TICRR: variants seen among roughly 807,000 people sequenced by gnomAD.
TICRR encodes the protein TOPBP1 interacting checkpoint and replication regulator.
Under a neutral mutation model 178.1 loss-of-function variants are expected in TICRR, and 132 were observed. That is an observed-to-expected ratio of 0.74 (90% confidence interval 0.64 to 0.86). The LOEUF is 0.86. TICRR is among the 40% of genes least tolerant of loss of function. TICRR has a pLI of 0.00. For missense variants in TICRR, 2,587 were observed against 2,334.3 expected (o/e 1.11, Z -2.23); for synonymous variants, 991 against 900.7 (o/e 1.10, Z -1.79).
intron 4 of TICRR, among the ~76,000 whole-genome samples, chr15:89,588,161 C>G (rs1962853027): frequency 6.6e-6 from 1 of 152,042 alleles, no homozygotes; most frequent in Non-Finnish European, 1.5e-5. Flanking sequence ...TAGGAAGTGA[C>G]ATCATCAGCT....
Position 89,583,048 on chromosome 15 carries a change from G to A in TICRR, c.934+83G>A, listed in dbSNP as rs542173082. On this transcript the variant is annotated intron_variant, in intron 2 of 21. Transcript: ENST00000268138. ...TTCAAAGAAGCTTTTAACTTCTTTG[G>A]CATTTCTCACAGCCCAGGCACTCAA... is the stretch of plus-strand genomic sequence containing the variant. 2.9e-6 allele frequency: 4 copies of A among 1,396,002 alleles called. No individual in the cohort carries two copies. In the South Asian group the frequency reaches 4.4e-5, roughly 15 times the overall value. The allele number at this position is 1,396,002 out of a possible 1,614,324, so 86.5% of individuals were successfully genotyped here.
At chr15:89,589,106 C>G (rs1032092150) in intron 4 of TICRR, among the ~76,000 whole-genome samples, 4 of 151,930 alleles carry the variant, frequency 2.6e-5, no homozygotes, top group Non-Finnish European at 4.4e-5. Context: ...TTCCAGAGGG[C>G]AGGGTGGGAG....
Position 89,601,320 on chromosome 15 carries a change from C to A in TICRR, c.2176C>A (p.Arg726Ser). Residue 726 changes from arginine (R) to serine (S), a missense_variant, in exon 10 of 22, where the codon CGT (arginine) becomes AGT (serine). Coordinates refer to ENST00000268138, the MANE Select transcript of TICRR (RefSeq NM_152259.4). ...VRECQLQVFLRLEMCLQCPSI... is the reference protein window; with the variant it reads ...VRECQLQVFLSLEMCLQCPSI... ...AAGGTGCCAGCTTCAGGTATTTCTT[C>A]GTTTGGAGATGTGTCTGCAATGCCC... 1 of 1,613,994 alleles carries A rather than the reference C, an allele frequency of 6.2e-7. No homozygotes were observed. The highest frequency in any genetic ancestry group is 1.1e-5 in the South Asian group (1 of 91,060).
intron 7 of TICRR, among the ~76,000 whole-genome samples, chr15:89,596,763 C>T (rs968868012): frequency 5.9e-5 from 9 of 152,106 alleles, no homozygotes; most frequent in African/African-American, 1.9e-4. Flanking sequence ...GGGGTTTACT[C>T]TCTCATATTA....
rs1216389959 is a variant in TICRR, at chr15:89,621,672, G to A, written c.3312+122G>A. ...GACCTCTAGATAATACTAGAGATTG[G>A]AGGTGACTGGGTGGAGCCACATGAA... is the stretch of plus-strand genomic sequence containing the variant. On this transcript the variant is annotated intron_variant, in intron 19 of 21. Transcript: ENST00000268138. 7.5e-6 allele frequency: 6 copies of A among 797,466 alleles called. No homozygotes were observed. In the Admixed American group the frequency reaches 1.6e-4, roughly 21 times the overall value. 49.4% of individuals were successfully genotyped at this position (797,466 alleles called of 1,614,324 possible).
intron 4 of TICRR, among the ~76,000 whole-genome samples, chr15:89,591,097 T>C (rs1324328334): frequency 6.6e-6 from 1 of 152,194 alleles, no homozygotes; most frequent in East Asian, 1.9e-4. Flanking sequence ...GTTTTGTTAC[T>C]GTATATTTAT....
chr15:89,621,527 T>C lies in TICRR; in HGVS notation c.3289T>C (p.Ser1097Pro). The C allele has an allele frequency of 6.2e-7, 1 of 1,613,376 alleles. No homozygotes were observed. The highest frequency in any genetic ancestry group is 8.5e-7 in the Non-Finnish European group (1 of 1,179,828). Residue 1097 changes from serine to proline, a missense_variant, in exon 19 of 22, where the codon TCG becomes CCG. Ser to Pro is a moderately conservative substitution (Grantham distance 74). Coordinates refer to ENST00000268138, the MANE Select transcript of TICRR (RefSeq NM_152259.4). ...MKKRSRNTLD[S>P]EVPAAYQTPK... ...AAAGCGTTCAAGAAACACTTTGGAT[T>C]CGGAGGTACCTGCAGCTTACCAGGT...
At position 89,625,531 on chromosome 15, in the gene TICRR, G is replaced by C. The variant is rs756091129; in HGVS notation, c.5221G>C (p.Glu1741Gln). ...GCCCATCTTGGAGGATTTTGAGCTC[G>C]AGGGAGTGTGCCAGCTCCCAGACCA... ...RTPILEDFEL[E>Q]GVCQLPDQSP... is the part of the protein sequence containing the mutation. Residue 1741 changes from glutamate to glutamine, a missense_variant, in exon 20 of 22, where the codon GAG becomes CAG. Physicochemically the swap from Glu to Gln is conservative, Grantham distance 29. Coordinates refer to ENST00000268138, the MANE Select transcript of TICRR (RefSeq NM_152259.4). 1 of 1,613,538 alleles carries C rather than the reference G, an allele frequency of 6.2e-7. No individual in the cohort carries two copies. The highest frequency in any genetic ancestry group is 8.5e-7 in the Non-Finnish European group (1 of 1,180,000).
chr15:89,604,194 A>T (rs1963140377), intron 13 of TICRR, among the ~76,000 whole-genome samples: 1 of 152,256 alleles, frequency 6.6e-6, no homozygotes, highest in African/African-American at 2.4e-5. Context: ...AGCATTAATT[A>T]TTATAATAGT....
At chr15:89,588,115 G>C (rs773120657) in intron 4 of TICRR, among the ~76,000 whole-genome samples, 1 of 152,114 alleles carries the variant, frequency 6.6e-6, no homozygotes. Flanking sequence ...GAGTGTACGG[G>C]GTTCTCTTCC....
rs774918164 is a variant in TICRR, at chr15:89,626,092, C to G, written c.5602+31C>G. Reference sequence around the variant, plus strand: ...GTTTGTTGAAGGTCTAGGACCCTTTCCTGTGACAGACTGTCTGAATTCACC... The same window carrying G: ...GTTTGTTGAAGGTCTAGGACCCTTTGCTGTGACAGACTGTCTGAATTCACC... On this transcript the variant is annotated intron_variant, in intron 21 of 21. Coordinates refer to ENST00000268138, the MANE Select transcript of TICRR (RefSeq NM_152259.4). The G allele has an allele frequency of 3.1e-6, 5 of 1,606,044 alleles. No homozygotes were observed. In the South Asian group the frequency reaches 4.5e-5, roughly 14 times the overall value.
chr15:89,610,646 T>A (rs1007042842), intron 15 of TICRR, among the ~76,000 whole-genome samples: 2 of 152,222 alleles, frequency 1.3e-5, no homozygotes, highest in Admixed American at 1.3e-4. Context: ...TTTTAATCCA[T>A]TCTTCTTATC....
intron 15 of TICRR, among the ~76,000 whole-genome samples, chr15:89,614,068 G>A (rs1395447128): frequency 1.3e-5 from 2 of 151,864 alleles, no homozygotes; most frequent in Non-Finnish European, 2.9e-5. Flanking sequence ...GCAGGAGAAT[G>A]GCGTGAACCC....
chr15:89,623,052 A>G (rs1963452238), intron 19 of TICRR, among the ~76,000 whole-genome samples: 1 of 152,216 alleles, frequency 6.6e-6, no homozygotes, highest in Admixed American at 6.5e-5. Context: ...TGATTTCCTT[A>G]CCTGTTGGAG....
intron 1 of TICRR, chr15:89,582,421 T>G (rs1472893863): frequency 5.0e-6 from 2 of 399,194 alleles, no homozygotes; most frequent in African/African-American, 4.1e-5. Flanking sequence ...TGTCACTTCT[T>G]TCTGTTCCTT....
chr15:89,590,837 A>G (rs1962899290), intron 4 of TICRR, among the ~76,000 whole-genome samples: 2 of 152,242 alleles, frequency 1.3e-5, no homozygotes, highest in South Asian at 4.1e-4. Context: ...AATAAGTTTG[A>G]ATACATTTTA....
intron 5 of TICRR, among the ~76,000 whole-genome samples, chr15:89,594,155 A>C (rs1962957951): frequency 6.6e-6 from 1 of 152,246 alleles, no homozygotes; most frequent in Non-Finnish European, 1.5e-5. Context: ...TAATTCATGA[A>C]GAATCCTATT....
rs573406023 is a variant in TICRR at position 89,612,788 on chromosome 15, C to T, written c.2870-3617C>T. Among the ~76,000 whole-genome samples the T allele has an allele frequency of 2.6e-5, 4 of 152,330 alleles. No homozygotes were observed. The Middle Eastern group carries it at 0.01, about 389-fold the overall frequency. On this transcript the variant is annotated intron_variant, in intron 15 of 21. Transcript: ENST00000268138. The stretch of plus-strand genomic sequence containing the variant: ...TTACAATTAAGATATTAACTTATAA[C>T]AGCCTAGTTCTCATTGATACCAATT...
rs1433324590 is a variant in TICRR, at chr15:89,626,961, G to T, written c.5608G>T (p.Asp1870Tyr). Residue 1870 changes from aspartate (D) to tyrosine (Y), a missense_variant, in exon 22 of 22, where the codon GAT becomes TAT. Asp to Tyr is a radical substitution (Grantham distance 160). Coordinates refer to ENST00000268138, the MANE Select transcript of TICRR (RefSeq NM_152259.4). ...GCCTTTCTACCTTCTTCTAGATGAG[G>T]ATGTGGATGTTCTTCCCTCCACTGT... is the stretch of plus-strand genomic sequence containing the variant. The part of the protein sequence containing the change: ...SSQSKDPRDE[D>Y]VDVLPSTVED... The T allele has an allele frequency of 6.2e-7, 1 of 1,614,024 alleles. No homozygotes were observed. The highest frequency in any genetic ancestry group is 8.5e-7 in the Non-Finnish European group (1 of 1,179,958).
Sources: allele counts gnomAD v4.1 joint callset (sites outside exome capture counted in the v4.1 genomes callset), GRCh38; gene constraint gnomAD v4.1.1; transcripts MANE v1.5; gene names NCBI Gene and HGNC (gene_info 2026-07-23, HGNC 2026-07-21).